Variants in DLD observed in about 807,000 individuals in gnomAD.
DLD encodes dihydrolipoamide dehydrogenase.
In DLD, 36 loss-of-function variants were observed where a neutral mutation model predicts 62.2. The observed-to-expected ratio is 0.58, with a 90% CI of 0.44 to 0.76. The LOEUF (loss-of-function observed/expected upper bound fraction) is 0.76. DLD is among the 30% of genes least tolerant of loss of function. The probability of loss-of-function intolerance (pLI) is 0.00; values close to 1 mark genes in which losing one functional copy is unlikely to be tolerated. For synonymous variants in DLD, 204 were observed against 199.6 expected (o/e 1.02, Z -0.19); for missense variants, 541 against 608.6 (o/e 0.89, Z 1.17).
rs1328820332 is a variant in DLD at position 107,915,697 on chromosome 7, G to A, written c.875+1G>A. On this transcript the variant is annotated splice_donor_variant, in intron 9 of 13. Transcript: ENST00000205402. LOFTEE classifies it high-confidence loss of function. ...AGTCAGATGGAAAAATTGATGTTTCGTAAGTATACATCATTTGTTTTTGAT... is the reference window on the plus strand; with the variant it reads ...AGTCAGATGGAAAAATTGATGTTTCATAAGTATACATCATTTGTTTTTGAT... 1.2e-6 allele frequency: 2 copies of A among 1,611,756 alleles called. No homozygotes were observed. The highest frequency in any genetic ancestry group is 8.5e-7 in the Non-Finnish European group (1 of 1,178,474).
intron 2 of DLD, among the ~76,000 whole-genome samples, chr7:107,894,160 A>G (rs2031660546): frequency 6.6e-6 from 1 of 152,228 alleles, no homozygotes; most frequent in South Asian, 2.1e-4. Context: ...GAAAGTTAAT[A>G]GGATTATATT....
chr7:107,900,939 G>T (rs1171076305), intron 2 of DLD, among the ~76,000 whole-genome samples: 1 of 152,014 alleles, frequency 6.6e-6, no homozygotes, highest in Non-Finnish European at 1.5e-5. Context: ...GAGAAGAATG[G>T]GAGTAATTGG....
intron 5 of DLD, chr7:107,903,870 T>C (rs1412957333): frequency 7.2e-6 from 2 of 278,056 alleles, no homozygotes; most frequent in African/African-American, 4.5e-5. Context: ...TGGAAATCAC[T>C]GAGAAGGCTG....
intron 8 of DLD, among the ~76,000 whole-genome samples, chr7:107,907,057 CT>C (rs1182430986): frequency 2.6e-5 from 4 of 152,132 alleles, no homozygotes; most frequent in Non-Finnish European, 4.4e-5. Context: ...CATAGATCTA[CT>C]TTTTTGCAAT....
chr7:107,895,669 C>T (rs1369307595), intron 2 of DLD, among the ~76,000 whole-genome samples: 3 of 152,200 alleles, frequency 2.0e-5, no homozygotes, highest in African/African-American at 7.2e-5. Context: ...AAACATCCAA[C>T]ATATAATTGT....
chr7:107,914,036 A>G (rs1326331052), intron 8 of DLD, among the ~76,000 whole-genome samples: 2 of 152,118 alleles, frequency 1.3e-5, no homozygotes, highest in Non-Finnish European at 2.9e-5. Context: ...ATTGATTTAC[A>G]TATGTTGAAT....
rs751594291 is a variant in DLD, at chr7:107,917,386, A to G, written c.1160A>G (p.Asn387Ser). Residue 387 changes from asparagine (N) to serine (S), a missense_variant, in exon 11 of 14, where the codon AAT (asparagine) becomes AGT (serine). Coordinates refer to ENST00000205402, the MANE Select transcript of DLD (RefSeq NM_000108.5). ...GGTGGTGCTGTGCACATTGACTACA[A>G]TTGTGTGCCATCAGTGATTTACACA... is the stretch of plus-strand genomic sequence containing the variant. ...MAGGAVHIDYNCVPSVIYTHP... is the reference protein window; with the variant it reads ...MAGGAVHIDYSCVPSVIYTHP... The G allele has an allele frequency of 3.1e-6, 5 of 1,614,146 alleles. No individual in the cohort carries two copies. The highest frequency in any genetic ancestry group is 3.4e-6 in the Non-Finnish European group (4 of 1,180,022).
intron 2 of DLD, among the ~76,000 whole-genome samples, chr7:107,899,181 T>C (rs547665446): frequency 7.2e-5 from 11 of 152,126 alleles, no homozygotes; most frequent in African/African-American, 2.7e-4. Flanking sequence ...AAATACTGGT[T>C]TGTTTTTGAA....
intron 8 of DLD, among the ~76,000 whole-genome samples, chr7:107,908,277 A>C (rs1456171551): frequency 6.6e-6 from 1 of 151,136 alleles, no homozygotes; most frequent in Non-Finnish European, 1.5e-5. Context: ...CAGCCTCCCA[A>C]GTAGCTGAGA....
intron 2 of DLD, among the ~76,000 whole-genome samples, chr7:107,898,826 G>C (rs970623985): frequency 2.0e-5 from 3 of 151,314 alleles, no homozygotes; most frequent in Non-Finnish European, 4.4e-5. Flanking sequence ...CGCCTGCCTC[G>C]GCCTCCCAAA....
chr7:107,896,535 A>G (rs1475324113), intron 2 of DLD, among the ~76,000 whole-genome samples: 9 of 152,240 alleles, frequency 5.9e-5, no homozygotes, highest in East Asian at 1.9e-4. Flanking sequence ...TTATTTTACT[A>G]TATTTCTTCT....
intron 8 of DLD, among the ~76,000 whole-genome samples, chr7:107,912,498 C>T (rs916053777): frequency 1.3e-5 from 2 of 152,132 alleles, no homozygotes; most frequent in Admixed American, 1.3e-4. Context: ...TTTGTTATTG[C>T]GATCTTTTTG....
In DLD at chr7:107,893,649, G is replaced by C. The variant is rs377191455; in HGVS notation, c.118+371G>C. On this transcript the variant is annotated intron_variant, in intron 2 of 13. Coordinates refer to ENST00000205402, the MANE Select transcript of DLD (RefSeq NM_000108.5). ...GTCTGGGCAGGGTCCTGAGTGAAGT[G>C]GGGGAGTGAGGTTACTTCAGGCAGA... is the stretch of plus-strand genomic sequence containing the variant. The C allele has an allele frequency of 4.3e-5, 7 of 161,580 alleles. No individual in the cohort carries two copies. The South Asian group carries it at 1.2e-3, about 27-fold the overall frequency. 10.0% of individuals were successfully genotyped at this position (161,580 alleles called of 1,614,324 possible).
Position 107,906,283 on chromosome 7 carries a change from T to C in DLD, c.599T>C (p.Ile200Thr), listed in dbSNP as rs373730165. Residue 200 changes from isoleucine (I) to threonine (T), a missense_variant, in exon 8 of 14, where the codon ATA becomes ACA. Physicochemically the swap from Ile to Thr is moderately conservative, Grantham distance 89 (BLOSUM62 -1). Coordinates refer to ENST00000205402, the MANE Select transcript of DLD (RefSeq NM_000108.5). ...TTCTTACAGATAGATGAAGATACAA[T>C]AGTGTCATCTACAGGTGCTTTATCT... ...FPGITIDEDT[I>T]VSSTGALSLK... The C allele has an allele frequency of 1.3e-6, 2 of 1,589,062 alleles. No individual in the cohort carries two copies. The highest frequency in any genetic ancestry group is 1.7e-6 in the Non-Finnish European group (2 of 1,157,418).
chr7:107,906,588 C>T (rs1257561423), intron 8 of DLD, among the ~76,000 whole-genome samples: 1 of 152,096 alleles, frequency 6.6e-6, no homozygotes, highest in Non-Finnish European at 1.5e-5. Context: ...TTTCCTTGTA[C>T]CTTCCACCCT....
At position 107,891,271 on chromosome 7, in the gene DLD, G is replaced by T; in HGVS notation, c.21G>T (p.Val7=). Residue 7 remains valine (V), a synonymous_variant, in exon 1 of 14, where the codon GTG becomes GTT. Coordinates refer to ENST00000205402, the MANE Select transcript of DLD (RefSeq NM_000108.5). ...GAAAAATGCAGAGCTGGAGTCGTGT[G>T]TACTGCTCCTTGGCCAAGGTGAGGG... MQSWSR[V]YCSLAKRGHF... is the part of the protein sequence containing the mutation. The T allele has an allele frequency of 6.2e-7, 1 of 1,614,156 alleles. No individual in the cohort carries two copies. The highest frequency in any genetic ancestry group is 8.5e-7 in the Non-Finnish European group (1 of 1,179,978).
At chr7:107,899,186 T>C (rs1008470042) in intron 2 of DLD, among the ~76,000 whole-genome samples, 1 of 151,920 alleles carries the variant, frequency 6.6e-6, no homozygotes, top group African/African-American at 2.4e-5. Context: ...CTGGTTTGTT[T>C]TTGAAAGTTT....
chr7:107,902,914 T>G (rs1554398357), intron 4 of DLD, among the ~76,000 whole-genome samples: 1 of 152,218 alleles, frequency 6.6e-6, no homozygotes, highest in Non-Finnish European at 1.5e-5. Context: ...TACTATTCCA[T>G]GTAGAGAATG....
Position 107,905,481 on chromosome 7 carries a change from G to A in DLD, c.559G>A (p.Val187Ile). Residue 187 changes from valine (V) to isoleucine (I), a missense_variant, in exon 7 of 14, where the codon GTT (valine) becomes ATT (isoleucine). Transcript: ENST00000205402. Reference protein sequence around the residue: ...KNILIATGSEVTPFPGITIDE... With the variant: ...KNILIATGSEITPFPGITIDE... ...CATTCTTATAGCCACGGGTTCAGAA[G>A]TTACTCCTTTTCCTGGAATCACGGT... is the stretch of plus-strand genomic sequence containing the variant. 1 of 1,613,764 alleles carries A rather than the reference G, an allele frequency of 6.2e-7. No individual in the cohort carries two copies. The highest frequency in any genetic ancestry group is 1.7e-4 in the Middle Eastern group (1 of 6,060).
Sources: allele counts gnomAD v4.1 joint callset (sites outside exome capture counted in the v4.1 genomes callset), GRCh38; gene constraint gnomAD v4.1.1; transcripts MANE v1.5; gene names NCBI Gene and HGNC (gene_info 2026-07-23, HGNC 2026-07-21).